The following NUFIP1 variants were observed in gnomAD, a reference collection of about 807,000 sequenced individuals.
The protein encoded by NUFIP1 is FMR1-interacting protein NUFIP1.
Under a neutral mutation model 56.2 loss-of-function variants are expected in NUFIP1, and 38 were observed. That is an observed-to-expected ratio of 0.68 (90% CI 0.52 to 0.89). The LOEUF is 0.89. Ranked by LOEUF, NUFIP1 falls within the 40% of genes least tolerant of loss-of-function variation. The probability of loss-of-function intolerance (pLI) is 0.00; values close to 1 mark genes in which losing one functional copy is unlikely to be tolerated. For synonymous variants in NUFIP1, 215 were observed against 212.4 expected (o/e 1.01, Z -0.10); for missense variants, 567 against 605.8 (o/e 0.94, Z 0.67).
At chr13:44,949,199 A>ATTTTTTTTTTTTTTTTTTTTTTTTTTTT (rs11421255) in intron 8 of NUFIP1, among the ~76,000 whole-genome samples, 1 of 112,648 alleles carries the variant, frequency 8.9e-6, no homozygotes, top group Non-Finnish European at 1.7e-5. Flanking sequence ...ATTATATTGT[A>ATTTTTTTTTTTTTTTTTTTTTTTTTTTT]TTTTTTTTTT....
chr13:44,967,691 G>A (rs769417198), intron 5 of NUFIP1, among the ~76,000 whole-genome samples: 3 of 152,124 alleles, frequency 2.0e-5, no homozygotes, highest in Non-Finnish European at 2.9e-5. Flanking sequence ...TTATGAACAG[G>A]GAGAGATATG....
At chr13:44,947,234 C>CTTT (rs899115570) in intron 8 of NUFIP1, among the ~76,000 whole-genome samples, 31 of 124,274 alleles carry the variant, frequency 2.5e-4, no homozygotes, top group African/African-American at 3.0e-4. Flanking sequence ...AAGCTTATTC[C>CTTT]TTTTTTTTTT....
chr13:44,970,502 G>A (rs1325334968), intron 5 of NUFIP1, among the ~76,000 whole-genome samples: 2 of 152,120 alleles, frequency 1.3e-5, no homozygotes, highest in Non-Finnish European at 2.9e-5. Context: ...AAAGAATATA[G>A]TGGCTTCATC....
At chr13:44,978,604 G>A (rs1229133434) in intron 5 of NUFIP1, among the ~76,000 whole-genome samples, 2 of 152,148 alleles carry the variant, frequency 1.3e-5, no homozygotes, top group Admixed American at 1.3e-4. Context: ...GTTACATGGT[G>A]ATGCTCAAAT....
chr13:44,967,395 C>T (rs943801550), intron 5 of NUFIP1, among the ~76,000 whole-genome samples: 2 of 151,908 alleles, frequency 1.3e-5, no homozygotes, highest in African/African-American at 4.8e-5. Flanking sequence ...GTAATCCCAG[C>T]TACTCAGGAG....
At chr13:44,984,430 C>G (rs1315644064) in intron 1 of NUFIP1, among the ~76,000 whole-genome samples, 1 of 152,142 alleles carries the variant, frequency 6.6e-6, no homozygotes, top group African/African-American at 2.4e-5. Flanking sequence ...CACTTGAGGT[C>G]AGGAGCTCGA....
chr13:44,984,068 T>C (rs1872295153), intron 1 of NUFIP1, among the ~76,000 whole-genome samples: 1 of 152,158 alleles, frequency 6.6e-6, no homozygotes, highest in South Asian at 2.1e-4. Flanking sequence ...CCCTTCCCCA[T>C]ACCTTTCACA....
At chr13:44,986,900 T>C (rs1872418382) in intron 1 of NUFIP1, among the ~76,000 whole-genome samples, 1 of 152,086 alleles carries the variant, frequency 6.6e-6, no homozygotes, top group Non-Finnish European at 1.5e-5. Flanking sequence ...GTTGATAAAG[T>C]AGCCTCGACT....
At chr13:44,956,202 G>A (rs549791954) in intron 7 of NUFIP1, among the ~76,000 whole-genome samples, 2 of 152,000 alleles carry the variant, frequency 1.3e-5, no homozygotes, top group East Asian at 3.9e-4. Flanking sequence ...TTTTTGTTGG[G>A]CTGCATTCAA....
chr13:44,961,001 C>T (rs1029032486), intron 6 of NUFIP1, among the ~76,000 whole-genome samples: 9 of 146,100 alleles, frequency 6.2e-5, no homozygotes, highest in South Asian at 2.1e-4. Flanking sequence ...CACAGTGGGC[C>T]GAGATTGTGC....
At chr13:44,972,049 C>G (rs1053617637) in intron 5 of NUFIP1, among the ~76,000 whole-genome samples, 18 of 152,298 alleles carry the variant, frequency 1.2e-4, no homozygotes, top group South Asian at 8.3e-4. Flanking sequence ...TGAATACTTT[C>G]CATGCTCAAA....
chr13:44,958,443 CATT>C (rs1397687291), intron 7 of NUFIP1, among the ~76,000 whole-genome samples: 1 of 152,156 alleles, frequency 6.6e-6, no homozygotes. Context: ...AATATATCAT[CATT>C]AATGTTATTA....
intron 6 of NUFIP1, among the ~76,000 whole-genome samples, chr13:44,965,183 A>C (rs1042113808): frequency 6.6e-6 from 1 of 152,166 alleles, no homozygotes; most frequent in African/African-American, 2.4e-5. Flanking sequence ...GTTTCCCTGC[A>C]CAAGCTCTCC....
At chr13:44,954,551 A>C (rs1206197867) in intron 7 of NUFIP1, among the ~76,000 whole-genome samples, 1 of 152,248 alleles carries the variant, frequency 6.6e-6, no homozygotes, top group East Asian at 1.9e-4. Context: ...TCTAAACACC[A>C]ACTGTAAAAG....
At chr13:44,959,705 A>C in intron 6 of NUFIP1, 131 bp from the exon 7 acceptor site, 1 of 705,444 alleles carries the variant, frequency 1.4e-6, no homozygotes, top group East Asian at 2.7e-5. Context: ...CATTAAAGAG[A>C]CGAAAATAAA....
intron 5 of NUFIP1, among the ~76,000 whole-genome samples, chr13:44,976,906 T>G (rs1593368822): frequency 6.6e-6 from 1 of 152,338 alleles, no homozygotes; most frequent in Middle Eastern, 3.4e-3. Context: ...ACTACTCCTT[T>G]AATCCATTAA....
chr13:44,948,086 T>C (rs1042427513), intron 8 of NUFIP1, among the ~76,000 whole-genome samples: 8 of 152,012 alleles, frequency 5.3e-5, no homozygotes, highest in Non-Finnish European at 1.0e-4. Context: ...AAACATTGAT[T>C]ATCTCTAGCC....
chr13:44,965,956 A>G lies in NUFIP1; in HGVS notation c.735-20T>C. ...TAGTTTCTAGAAAATAATAAAAGTTAATTATAATAGGGCTTTTAGAGTACA... is the reference window on the plus strand; with the variant it reads ...TAGTTTCTAGAAAATAATAAAAGTTGATTATAATAGGGCTTTTAGAGTACA... On this transcript the variant is annotated intron_variant, in intron 5 of 9. Transcript: ENST00000379161. The G allele has an allele frequency of 7.1e-7, 1 of 1,409,072 alleles. No homozygotes were observed. The highest frequency in any genetic ancestry group is 9.7e-7 in the Non-Finnish European group (1 of 1,029,878). The allele number at this position is 1,409,072 out of a possible 1,614,324, so 87.3% of individuals were successfully genotyped here. A position where few individuals can be genotyped will look rare whatever the true frequency, so the allele number is the denominator to read the frequency against.
At chr13:44,948,932 T>C (rs1412498844) in intron 8 of NUFIP1, among the ~76,000 whole-genome samples, 1 of 152,182 alleles carries the variant, frequency 6.6e-6, no homozygotes, top group Non-Finnish European at 1.5e-5. Flanking sequence ...GACACAAGTA[T>C]AAGGTTGTTG....
Sources: gnomAD v4.1 joint callset for allele counts (sites outside exome capture counted in the v4.1 genomes callset) on GRCh38, gnomAD v4.1.1 for gene constraint, MANE v1.5 for transcripts, NCBI Gene and HGNC (gene_info 2026-07-23, HGNC 2026-07-21) for gene names.